RUNX1T1: variants seen among roughly 807,000 people sequenced by gnomAD.
RUNX1T1 encodes the protein RUNX1 partner transcriptional co-repressor 1, also known as protein CBFA2T1.
A neutral mutation model predicts 62.8 loss-of-function variants in RUNX1T1; 4 were observed. The ratio of observed to expected loss-of-function variants is 0.06; its 90% CI spans 0.03 to 0.15. RUNX1T1 has a LOEUF of 0.15. RUNX1T1 is among the 10% of genes least tolerant of loss of function. The pLI is 1.00. For synonymous variants in RUNX1T1, 291 were observed against 286.0 expected (o/e 1.02, Z -0.18); for missense variants, 508 against 754.3 (o/e 0.67, Z 3.82).
chr8:92,060,273 G>T (rs1236351627), intron 1 of RUNX1T1, among the ~76,000 whole-genome samples: 1 of 151,490 alleles, frequency 6.6e-6, no homozygotes, highest in Non-Finnish European at 1.5e-5. Flanking sequence ...GACTTATATA[G>T]TTCATTTTGA....
chr8:91,992,769 G>A (rs1473567820), intron 5 of RUNX1T1, among the ~76,000 whole-genome samples: 2 of 152,126 alleles, frequency 1.3e-5, no homozygotes, highest in African/African-American at 2.4e-5. Flanking sequence ...ATGGCAGGAC[G>A]GGAACACCCT....
At chr8:92,034,690 G>A (rs13277087) in intron 1 of RUNX1T1, among the ~76,000 whole-genome samples, 31,480 of 148,134 alleles carry the variant, frequency 0.21, 3,517 homozygotes, top group African/African-American at 0.24. Flanking sequence ...GTGTGTGTGT[G>A]TATACATGTA....
chr8:92,075,350 A>G (rs886416889), intron 2 of RUNX1T1, among the ~76,000 whole-genome samples: 1 of 152,220 alleles, frequency 6.6e-6, no homozygotes, highest in African/African-American at 2.4e-5. Flanking sequence ...TTGAATTTTC[A>G]AATATTGCAG....
At chr8:92,023,547 ACTC>A (rs1335525733) in intron 1 of RUNX1T1, among the ~76,000 whole-genome samples, 1 of 151,904 alleles carries the variant, frequency 6.6e-6, no homozygotes, top group African/African-American at 2.4e-5. Context: ...ATACATTTTC[ACTC>A]CTCATCAATG....
chr8:91,998,247 C>T (rs1426973785), intron 5 of RUNX1T1, among the ~76,000 whole-genome samples: 3 of 152,188 alleles, frequency 2.0e-5, no homozygotes, highest in South Asian at 4.1e-4. Context: ...AAACAAAATA[C>T]ATTACAAATT....
chr8:92,057,885 C>T (rs1031885282), intron 1 of RUNX1T1, among the ~76,000 whole-genome samples: 3 of 152,176 alleles, frequency 2.0e-5, no homozygotes, highest in Non-Finnish European at 4.4e-5. Flanking sequence ...CCCACTGCCA[C>T]ACACAGAAAT....
chr8:91,993,960 A>G (rs1370868157), intron 5 of RUNX1T1, among the ~76,000 whole-genome samples: 3 of 152,114 alleles, frequency 2.0e-5, no homozygotes, highest in Non-Finnish European at 4.4e-5. Flanking sequence ...CCACTGCACT[A>G]CAGCCTGGGC....
At chr8:92,067,076 T>G (rs1377841455), upstream of RUNX1T1, among the ~76,000 whole-genome samples, 1 of 152,208 alleles carries the variant, frequency 6.6e-6, no homozygotes, top group Admixed American at 6.5e-5. Context: ...TATTGCCATC[T>G]TAAGAATTTG....
exon 5 of RUNX1T1, chr8:92,005,280 C>T: frequency 6.2e-7 from 1 of 1,611,764 alleles, no homozygotes; most frequent in East Asian, 2.2e-5. Context: ...GCTCACGCTG[C>T]AGCAGGGGCA....
At chr8:92,096,052 C>G (rs1837722167) in intron 1 of RUNX1T1, among the ~76,000 whole-genome samples, 1 of 152,208 alleles carries the variant, frequency 6.6e-6, no homozygotes, top group Non-Finnish European at 1.5e-5. Flanking sequence ...TTGTCCCTTT[C>G]TTTGCTAACC....
At chr8:91,979,999 G>T (rs1814863983) in intron 8 of RUNX1T1, 1 of 301,960 alleles carries the variant, frequency 3.3e-6, no homozygotes, top group Admixed American at 4.4e-5. Context: ...AAGAAAGAAA[G>T]AGTTAAGTAA....
In RUNX1T1 at chr8:92,062,469, G is replaced by C. The variant is rs538810684; in HGVS notation, c.7+77C>G. 3 of 1,468,110 alleles carry C rather than the reference G, an allele frequency of 2.0e-6. No homozygotes were observed. In the South Asian group the frequency reaches 3.4e-5, roughly 17 times the overall value. The allele number at this position is 1,468,110 out of a possible 1,614,324, so 90.9% of individuals were successfully genotyped here. On this transcript the variant is annotated intron_variant, in intron 1 of 10. Transcript: ENST00000396218. Reference sequence around the variant, plus strand: ...AGATACAACACGCTGTGGGGCAGAAGGTATTTTCCATGCATAATAGAAAGT... The same window carrying C: ...AGATACAACACGCTGTGGGGCAGAACGTATTTTCCATGCATAATAGAAAGT...
intron 8 of RUNX1T1, among the ~76,000 whole-genome samples, chr8:91,976,916 A>G (rs2130714968): frequency 6.6e-6 from 1 of 152,306 alleles, no homozygotes; most frequent in African/African-American, 2.4e-5. Context: ...TAAGCCCATG[A>G]TAAATTCTGA....
intron 5 of RUNX1T1, among the ~76,000 whole-genome samples, chr8:91,997,007 T>G (rs7005052): frequency 1 from 151,732 of 151,732 alleles, 75,866 homozygotes; most frequent in Non-Finnish European, 1. Flanking sequence ...CATGCCTGTA[T>G]TCCCAGCTAC....
chr8:92,079,724 CA>C (rs1201550066), intron 1 of RUNX1T1, among the ~76,000 whole-genome samples: 1 of 152,158 alleles, frequency 6.6e-6, no homozygotes, highest in African/African-American at 2.4e-5. Context: ...CAAGACCCTC[CA>C]TCACTTGGCA....
At chr8:92,079,065 C>A (rs1834851277) in intron 1 of RUNX1T1, among the ~76,000 whole-genome samples, 1 of 152,200 alleles carries the variant, frequency 6.6e-6, no homozygotes, top group South Asian at 2.1e-4. Flanking sequence ...TGCCAGGAAT[C>A]CTTTCACTGC....
chr8:92,019,087 C>T (rs1022034101), intron 1 of RUNX1T1: 25 of 152,148 alleles, frequency 1.6e-4, no homozygotes, highest in Middle Eastern at 3.2e-3. Flanking sequence ...GGCTTAAAAC[C>T]GCTTCTTCAA....
At chr8:92,101,549 C>G (rs1025359740), upstream of RUNX1T1, among the ~76,000 whole-genome samples, 1 of 152,158 alleles carries the variant, frequency 6.6e-6, no homozygotes, top group African/African-American at 2.4e-5. Flanking sequence ...GCCCAGTCTT[C>G]AAGGGTTTCT....
chr8:91,968,355 T>C (rs1245686439), intron 10 of RUNX1T1, among the ~76,000 whole-genome samples: 1 of 152,220 alleles, frequency 6.6e-6, no homozygotes, highest in Non-Finnish European at 1.5e-5. Context: ...GGAGGTGTGG[T>C]TGCCCTGCAC....
Sources: allele counts gnomAD v4.1 joint callset (sites outside exome capture counted in the v4.1 genomes callset), GRCh38; gene constraint gnomAD v4.1.1; transcripts MANE v1.5; gene names NCBI Gene and HGNC (gene_info 2026-07-23, HGNC 2026-07-21).